The following C4orf50 variants were observed in gnomAD, a reference collection of about 807,000 sequenced individuals.
C4orf50 encodes chromosome 4 open reading frame 50.
A neutral mutation model predicts 77.2 loss-of-function variants in C4orf50; 80 were observed. That is an observed-to-expected ratio of 1.04 (90% CI 0.87 to 1.25). The LOEUF (loss-of-function observed/expected upper bound fraction) is 1.25, where lower values mean the gene tolerates loss of function less well. C4orf50 is among the 50% of genes most tolerant of loss of function. The probability of loss-of-function intolerance (pLI) is 0.00; values close to 1 mark genes in which losing one functional copy is unlikely to be tolerated. For synonymous variants in C4orf50, 532 were observed against 465.3 expected, an observed-to-expected ratio of 1.14 and a Z score of -1.84; for missense variants, 1,257 against 1,152.9, an observed-to-expected ratio of 1.09 and a Z score of -1.31.
In C4orf50 at chr4:6,004,853, G is replaced by T. The variant is rs201155388; in HGVS notation, c.963+3143C>A. Reference sequence around the variant, plus strand: ...TGATGATGTGATGGTGATGGTGATGGTGGTGATGATGCTGACAGTGAAAGA... The same window carrying T: ...TGATGATGTGATGGTGATGGTGATGTTGGTGATGATGCTGACAGTGAAAGA... On this transcript the variant is annotated intron_variant, in intron 25 of 33. Transcript: ENST00000531445. 4.6e-5 allele frequency among the ~76,000 whole-genome samples: 7 copies of T among 151,998 alleles called. No homozygotes were observed. The South Asian group carries it at 1.5e-3, about 32-fold the overall frequency.
intron 28 of C4orf50, among the ~76,000 whole-genome samples, chr4:5,984,173 G>A (rs1353499216): frequency 6.6e-6 from 1 of 152,204 alleles, no homozygotes; most frequent in Non-Finnish European, 1.5e-5. Flanking sequence ...AGAATAAGAT[G>A]ATCTGCTGAT....
At chr4:5,939,809 C>T (rs1021664808) in intron 7 of C4orf50, among the ~76,000 whole-genome samples, 4 of 152,212 alleles carry the variant, frequency 2.6e-5, no homozygotes, top group African/African-American at 9.7e-5. Context: ...AGCACTGACT[C>T]TCAGAAGATC....
At chr4:5,975,139 CAAA>C (rs763836859) in intron 30 of C4orf50, among the ~76,000 whole-genome samples, 15 of 82,848 alleles carry the variant, frequency 1.8e-4, no homozygotes, top group Non-Finnish European at 2.4e-4. Context: ...CACTCCATCT[CAAA>C]AAAAAAAAAA....
At chr4:5,968,130 C>T (rs1428419988) in intron 31 of C4orf50, among the ~76,000 whole-genome samples, 1 of 152,190 alleles carries the variant, frequency 6.6e-6, no homozygotes, top group African/African-American at 2.4e-5. Flanking sequence ...TTCCAACATC[C>T]TGGTCATGCT....
At position 5,932,110 on chromosome 4, in the gene C4orf50, C is replaced by G. The variant is rs375290111; in HGVS notation, c.*2474+24791G>C. On this transcript the variant is annotated intron_variant, in intron 7 of 7. Coordinates refer to the C4orf50 transcript ENST00000324058. The surrounding 1 kb of genome is among the most constrained non-coding windows in gnomAD (Gnocchi z 4.2). The stretch of plus-strand genomic sequence containing the variant: ...CGTGCAATGTTTGGCCTCTTGCCCC[C>G]CTCTCAGCTGAGGAAGGCAGGTGTA... 5.1e-3 allele frequency among the ~76,000 whole-genome samples: 749 copies of G among 147,060 alleles called. 3 individuals are homozygous for G. Among genetic ancestry groups the G allele is most frequent in the African/African-American group, 0.017 (664 of 40,042 alleles).
intron 28 of C4orf50, among the ~76,000 whole-genome samples, chr4:5,984,575 A>C (rs1343521178): frequency 1.3e-5 from 2 of 152,214 alleles, no homozygotes; most frequent in Non-Finnish European, 2.9e-5. Flanking sequence ...CAATAAATGA[A>C]ATTAAGAACT....
At chr4:5,989,131 A>G (rs1342013189) in exon 28 of C4orf50, 1 of 1,534,930 alleles carries the variant, frequency 6.5e-7, no homozygotes, top group East Asian at 2.4e-5. Context: ...GAGCCTGGAT[A>G]TTTTTGTCAC....
At chr4:5,978,992 G>A (rs73069570) in intron 29 of C4orf50, among the ~76,000 whole-genome samples, 1,920 of 152,270 alleles carry the variant, frequency 0.013, 26 homozygotes, top group African/African-American at 0.032. Flanking sequence ...AAATTATACC[G>A]TAATGCTGAG....
At chr4:5,976,748 C>T (rs923608821) in intron 29 of C4orf50, among the ~76,000 whole-genome samples, 1 of 152,206 alleles carries the variant, frequency 6.6e-6, no homozygotes, top group Non-Finnish European at 1.5e-5. Flanking sequence ...TGAACCTATC[C>T]ATGTAAAGTG....
Position 6,011,611 on chromosome 4 carries a change from A to G in C4orf50, c.426+219T>C, listed in dbSNP as rs1722496405. Among the ~76,000 whole-genome samples, 1 of 152,234 alleles carries G rather than the reference A, an allele frequency of 6.6e-6. No homozygotes were observed. Among genetic ancestry groups the G allele is most frequent in the South Asian group, 2.1e-4 (1 of 4,832 alleles). On this transcript the variant is annotated intron_variant, in intron 24 of 33. Transcript: ENST00000531445. The surrounding 1 kb of genome is among the most constrained non-coding windows in gnomAD (Gnocchi z 4.2). ...GCCTGGCGCTGAGGTCCTCAGGCAC[A>G]AGAGCTTCCAGCAAGTGTACAGCCC...
In C4orf50 at chr4:5,980,201, G is replaced by A. The variant is rs539507785; in HGVS notation, c.3837C>T (p.Thr1279=). ...TGGCCTGGAGCTCCTCCTGGAGGCG[G>A]GTGGCCTCGTCCAGAGACGCCTGGT... The change falls in exon 29 of 34, where the codon ACC becomes ACT. Residue 1279 remains threonine, a synonymous_variant. Transcript: ENST00000531445. The A allele has an allele frequency of 4.6e-5, 74 of 1,603,456 alleles. 1 individual carries two copies. In the South Asian group the frequency reaches 7.6e-4, roughly 17 times the overall value.
chr4:5,907,058 C>T (rs1716579934), intron 7 of C4orf50, among the ~76,000 whole-genome samples: 1 of 152,148 alleles, frequency 6.6e-6, no homozygotes, highest in African/African-American at 2.4e-5. Context: ...GCTGGGGGGA[C>T]TCTTATGTGT....
rs1193822534 is a variant in C4orf50 at position 5,961,116 on chromosome 4, T to C, written c.4276-1490A>G. On this transcript the variant is annotated intron_variant, in intron 33 of 33. Transcript: ENST00000531445. ...CACAATGCATAGATTTATTTTAACG[T>C]AGTTTAGCTTTTTGTTTTGAAATGA... Among the ~76,000 whole-genome samples, 3 of 152,344 alleles carry C rather than the reference T, an allele frequency of 2.0e-5. No individual in the cohort carries two copies. The East Asian group carries it at 5.8e-4, about 29-fold the overall frequency.
intron 28 of C4orf50, among the ~76,000 whole-genome samples, chr4:5,981,707 C>T (rs1417089942): frequency 6.6e-6 from 1 of 152,150 alleles, no homozygotes; most frequent in Admixed American, 6.5e-5. Context: ...CTCGGCCCGA[C>T]ATGAGCATCT....
chr4:6,001,473 G>C (rs1321251432), intron 25 of C4orf50, among the ~76,000 whole-genome samples: 1 of 152,188 alleles, frequency 6.6e-6, no homozygotes. Context: ...TCTTCCCTCT[G>C]ACACCACCAG....
Position 6,008,007 on chromosome 4 carries a change from G to C in C4orf50, c.952C>G (p.His318Asp). Reference sequence around the variant, plus strand: ...TTCCCGCCACTTACCAGGCTGCAGTGACCAATAGGGGCCTGGGCTCCCAGC... The same window carrying C: ...TTCCCGCCACTTACCAGGCTGCAGTCACCAATAGGGGCCTGGGCTCCCAGC... The change falls in exon 25 of 34, where the codon CAC (histidine) becomes GAC (aspartate). Residue 318 changes from histidine to aspartate, a missense_variant. His to Asp is a moderately conservative substitution (Grantham distance 81). Coordinates refer to ENST00000531445, the Ensembl canonical transcript of C4orf50. The surrounding 1 kb of genome is among the most constrained non-coding windows in gnomAD (Gnocchi z 6.0). 3 of 399,166 alleles carry C rather than the reference G, an allele frequency of 7.5e-6. No homozygotes were observed. The highest frequency in any genetic ancestry group is 8.8e-6 in the Non-Finnish European group (2 of 226,158). The allele number at this position is 399,166 out of a possible 1,614,324, so 24.7% of individuals were successfully genotyped here. A position where few individuals can be genotyped will look rare whatever the true frequency, so the allele number is the denominator to read the frequency against.
chr4:5,907,053 G>A (rs1036906302), intron 7 of C4orf50, among the ~76,000 whole-genome samples: 5 of 152,146 alleles, frequency 3.3e-5, no homozygotes, highest in African/African-American at 1.2e-4. Flanking sequence ...ATTAAGCTGG[G>A]GGGACTCTTA....
At chr4:6,003,840 T>G (rs1721987440) in intron 25 of C4orf50, among the ~76,000 whole-genome samples, 1 of 29,708 alleles carries the variant, frequency 3.4e-5, no homozygotes, top group African/African-American at 1.4e-4. Flanking sequence ...GATGATGTGA[T>G]AGTGATGATG....
chr4:5,910,399 A>G (rs574489842), intron 7 of C4orf50, among the ~76,000 whole-genome samples: 1 of 152,366 alleles, frequency 6.6e-6, no homozygotes, highest in East Asian at 1.9e-4. Context: ...AAATTTAAGA[A>G]TCTCGTCAAT....
Sources: gnomAD v4.1 joint callset for allele counts (sites outside exome capture counted in the v4.1 genomes callset) on GRCh38, gnomAD v4.1.1 for gene constraint, Gnocchi (gnomAD v3.1) non-coding constraint, MANE v1.5 for transcripts, NCBI Gene and HGNC (gene_info 2026-07-23, HGNC 2026-07-21) for gene names.